Variants in GPR39 observed in about 807,000 individuals in gnomAD.
GPR39 encodes the protein G protein-coupled receptor 39, also known as zinc sensing receptor.
GPR39 carries 23 observed loss-of-function variants against 18.4 expected under a neutral mutation model. The observed-to-expected ratio is 1.25, with a 90% CI of 0.90 to 1.77. The LOEUF (loss-of-function observed/expected upper bound fraction) is 1.77. Ranked by LOEUF, GPR39 falls within the 40% of genes most tolerant of loss-of-function variation. The probability of loss-of-function intolerance (pLI) is 0.00; values close to 1 mark genes in which losing one functional copy is unlikely to be tolerated. For missense variants in GPR39, 647 were observed against 602.4 expected, an observed-to-expected ratio of 1.07 and a Z score of -0.78; for synonymous variants, 280 against 257.9, an observed-to-expected ratio of 1.09 and a Z score of -0.82.
intron 1 of GPR39, among the ~76,000 whole-genome samples, chr2:132,488,131 T>G (rs2104793395): frequency 6.6e-6 from 1 of 152,342 alleles, no homozygotes; most frequent in East Asian, 1.9e-4. Context: ...TACTTCTTTC[T>G]CCTGGACTTA....
chr2:132,563,084 A>G (rs1176936045), intron 1 of GPR39, among the ~76,000 whole-genome samples: 1 of 152,198 alleles, frequency 6.6e-6, no homozygotes, highest in African/African-American at 2.4e-5. Context: ...TTAAGTGCCC[A>G]TGTCCACTCT....
intron 1 of GPR39, among the ~76,000 whole-genome samples, chr2:132,466,395 G>A (rs777332973): frequency 1.1e-4 from 16 of 152,054 alleles, no homozygotes; most frequent in Non-Finnish European, 2.1e-4. Context: ...GTTTCCTTGC[G>A]ATTTATCTTT....
chr2:132,428,397 T>C (rs1156687076), intron 1 of GPR39, among the ~76,000 whole-genome samples: 2 of 152,236 alleles, frequency 1.3e-5, no homozygotes, highest in Non-Finnish European at 2.9e-5. Flanking sequence ...CAGAGCCTTG[T>C]AGAAGCCTAA....
At chr2:132,535,795 A>G (rs1679746496) in intron 1 of GPR39, among the ~76,000 whole-genome samples, 1 of 149,116 alleles carries the variant, frequency 6.7e-6, no homozygotes, top group Admixed American at 6.8e-5. Context: ...TAGTCTTGGG[A>G]GGATTTATGT....
Position 132,568,754 on chromosome 2 carries a change from A to C in GPR39, c.857-76347A>C, listed in dbSNP as rs375880260. On this transcript the variant is annotated intron_variant, in intron 1 of 1. Coordinates refer to ENST00000329321, the MANE Select transcript of GPR39 (RefSeq NM_001508.3). ...GTCATCGAGCTGCTAAACAAGTCAA[A>C]TTTGGAACCCCAGCCCTCTAGTTGG... Among the ~76,000 whole-genome samples the C allele has an allele frequency of 7.9e-5, 12 of 152,114 alleles. No individual in the cohort carries two copies. In the East Asian group the frequency reaches 1.5e-3, roughly 20 times the overall value.
Position 132,644,943 on chromosome 2 carries a change from A to G in GPR39, c.857-158A>G, listed in dbSNP as rs547906872. On this transcript the variant is annotated intron_variant, in intron 1 of 1. Transcript: ENST00000329321. ...TTAAATTCTCTCTTGCTTGTGGCAA[A>G]AGAAGCTGTCAAGTCCAACACTGAA... is the stretch of plus-strand genomic sequence containing the variant. The G allele has an allele frequency of 6.5e-5, 50 of 772,084 alleles. No homozygotes were observed. The East Asian group carries it at 1.3e-3, about 20-fold the overall frequency. 47.8% of individuals were successfully genotyped at this position (772,084 alleles called of 1,614,324 possible). A position where few individuals can be genotyped will look rare whatever the true frequency, so the allele number is the denominator to read the frequency against.
intron 1 of GPR39, among the ~76,000 whole-genome samples, chr2:132,430,821 C>A (rs142474376): frequency 1.3e-5 from 2 of 152,320 alleles, no homozygotes; most frequent in Non-Finnish European, 2.9e-5. Context: ...CAACAGACAC[C>A]CCCTGTGGGG....
chr2:132,482,727 T>C (rs1477036359), intron 1 of GPR39, among the ~76,000 whole-genome samples: 1 of 152,256 alleles, frequency 6.6e-6, no homozygotes, highest in East Asian at 1.9e-4. Context: ...TGGGTGCCAG[T>C]GAACCTATAT....
chr2:132,591,544 C>T (rs34496515), intron 1 of GPR39, among the ~76,000 whole-genome samples: 32,297 of 152,088 alleles, frequency 0.21, 4,577 homozygotes, highest in East Asian at 0.73. Context: ...TGGGACTTCA[C>T]CTTGTGATCG....
chr2:132,432,786 C>T (rs1047472706), intron 1 of GPR39, among the ~76,000 whole-genome samples: 1 of 152,146 alleles, frequency 6.6e-6, no homozygotes. Flanking sequence ...CTTTCCATCA[C>T]CTACTAGTGT....
chr2:132,570,358 C>T (rs1680421278), intron 1 of GPR39, among the ~76,000 whole-genome samples: 1 of 152,238 alleles, frequency 6.6e-6, no homozygotes, highest in Non-Finnish European at 1.5e-5. Flanking sequence ...TTCACATCCC[C>T]CTCCAGCCGC....
At chr2:132,518,874 A>G (rs1356720279) in intron 1 of GPR39, among the ~76,000 whole-genome samples, 1 of 152,194 alleles carries the variant, frequency 6.6e-6, no homozygotes, top group African/African-American at 2.4e-5. Flanking sequence ...TGTATTTTAC[A>G]TTTATGGTAC....
chr2:132,477,589 CTCAA>C (rs530713663), intron 1 of GPR39, among the ~76,000 whole-genome samples: 99 of 152,152 alleles, frequency 6.5e-4, no homozygotes, highest in Non-Finnish European at 1.3e-3. Context: ...AAGGCTCTGT[CTCAA>C]TCAAAGAGCC....
intron 1 of GPR39, among the ~76,000 whole-genome samples, chr2:132,473,653 T>A (rs1264057066): frequency 6.6e-6 from 1 of 152,194 alleles, no homozygotes; most frequent in Non-Finnish European, 1.5e-5. Flanking sequence ...ATCTAACTTA[T>A]CAGTTAGCAT....
chr2:132,558,424 A>G (rs1308862912), intron 1 of GPR39, among the ~76,000 whole-genome samples: 1 of 152,178 alleles, frequency 6.6e-6, no homozygotes, highest in Non-Finnish European at 1.5e-5. Context: ...GTCTCTTGAC[A>G]AATTATTTTT....
intron 1 of GPR39, among the ~76,000 whole-genome samples, chr2:132,444,333 A>G (rs1369804971): frequency 6.6e-6 from 1 of 151,842 alleles, no homozygotes; most frequent in East Asian, 1.9e-4. Flanking sequence ...CACTCTTGTC[A>G]CCTTAGGCTG....
At chr2:132,595,098 A>G (rs1241689643) in intron 1 of GPR39, among the ~76,000 whole-genome samples, 4 of 152,148 alleles carry the variant, frequency 2.6e-5, no homozygotes, top group Non-Finnish European at 5.9e-5. Context: ...GCACAGGCTT[A>G]AGCAATTCTC....
intron 1 of GPR39, among the ~76,000 whole-genome samples, chr2:132,530,119 C>A (rs1031478662): frequency 6.6e-6 from 1 of 151,958 alleles, no homozygotes; most frequent in Non-Finnish European, 1.5e-5. Context: ...AAAAATTAGA[C>A]GAATGGCTAA....
At chr2:132,552,853 T>C (rs536756093) in intron 1 of GPR39, among the ~76,000 whole-genome samples, 15,827 of 145,298 alleles carry the variant, frequency 0.11, 1,049 homozygotes, top group South Asian at 0.23. Flanking sequence ...TATACACACA[T>C]ATATATATAC....
Sources: allele counts gnomAD v4.1 joint callset (sites outside exome capture counted in the v4.1 genomes callset), GRCh38; gene constraint gnomAD v4.1.1; transcripts MANE v1.5; gene names NCBI Gene and HGNC (gene_info 2026-07-23, HGNC 2026-07-21).